Variants in GDPD1 observed in about 807,000 individuals in gnomAD.
The protein encoded by GDPD1 is lysophospholipase D GDPD1.
In GDPD1, 28 loss-of-function variants were observed where a neutral mutation model predicts 45.1. That is an observed-to-expected ratio of 0.62 (90% CI 0.46 to 0.85). The LOEUF (loss-of-function observed/expected upper bound fraction) is 0.85. GDPD1 is among the 40% of genes least tolerant of loss of function. GDPD1 has a pLI of 0.00. For synonymous variants in GDPD1, 139 were observed against 131.4 expected (o/e 1.06, Z -0.40); for missense variants, 256 against 364.8 (o/e 0.70, Z 2.43).
chr17:59,256,813 T>G (rs1474205835), intron 4 of GDPD1, among the ~76,000 whole-genome samples: 2 of 152,174 alleles, frequency 1.3e-5, no homozygotes, highest in African/African-American at 4.8e-5. Flanking sequence ...AAAAAATTAA[T>G]AAATCATAAT....
At chr17:59,224,607 A>T (rs1159283067) in intron 1 of GDPD1, among the ~76,000 whole-genome samples, 1 of 146,640 alleles carries the variant, frequency 6.8e-6, no homozygotes, top group Non-Finnish European at 1.5e-5. Context: ...CCTGGGCGAC[A>T]GGGCGAGACT....
At chr17:59,267,212 A>G (rs776385111) in intron 7 of GDPD1, 38 bp downstream of exon 7, 22 of 1,553,574 alleles carry the variant, frequency 1.4e-5, no homozygotes, top group African/African-American at 2.7e-5. Flanking sequence ...TCAATTATCA[A>G]TTACAGAAAG....
intron 4 of GDPD1, among the ~76,000 whole-genome samples, chr17:59,252,910 C>T (rs996582153): frequency 6.6e-6 from 1 of 151,852 alleles, no homozygotes; most frequent in African/African-American, 2.4e-5. Context: ...AGGAGAATCG[C>T]TGAAACCCAG....
chr17:59,273,096 TAA>T lies in GDPD1; in HGVS notation c.822+262_822+263del. ...GTGTTTGTGTGTGTGTATATATATA[TAA>T]ATATATGTATGTATATTTCTTTTTT... On this transcript the variant is annotated intron_variant, in intron 9 of 9. Transcript: ENST00000284116. 4 of 292,186 alleles carry T rather than the reference TAA, an allele frequency of 1.4e-5. No homozygotes were observed. In the East Asian group the frequency reaches 2.1e-4, roughly 15 times the overall value. 18.1% of individuals were successfully genotyped at this position (292,186 alleles called of 1,614,324 possible). A position where few individuals can be genotyped will look rare whatever the true frequency, so the allele number is the denominator to read the frequency against.
intron 1 of GDPD1, among the ~76,000 whole-genome samples, chr17:59,221,156 C>A (rs1190197159): frequency 6.6e-6 from 1 of 151,916 alleles, no homozygotes; most frequent in Non-Finnish European, 1.5e-5. Context: ...CACACTGCTC[C>A]GAGCGAGCTA....
intron 3 of GDPD1, among the ~76,000 whole-genome samples, chr17:59,247,361 A>G (rs1320510078): frequency 1.3e-5 from 2 of 152,120 alleles, no homozygotes; most frequent in Non-Finnish European, 2.9e-5. Flanking sequence ...TGCTCTAAAC[A>G]TTCTGTGTTC....
chr17:59,246,709 CAAAAAAAAAAAAA>C (rs749077536), intron 3 of GDPD1, among the ~76,000 whole-genome samples: 7 of 27,568 alleles, frequency 2.5e-4, no homozygotes, highest in Non-Finnish European at 2.4e-4. Flanking sequence ...GACTCCATCT[CAAAAAAAAAAAAA>C]AAAAAAAAAA....
At chr17:59,269,484 C>G (rs1043066460) in intron 7 of GDPD1, among the ~76,000 whole-genome samples, 22 of 147,466 alleles carry the variant, frequency 1.5e-4, no homozygotes, top group Non-Finnish European at 3.1e-4. Flanking sequence ...TACCCCCCCC[C>G]CCAAAAAACA....
chr17:59,245,277 C>A (rs2047201758), intron 2 of GDPD1, 137 bp from the exon 3 acceptor site: 2 of 570,116 alleles, frequency 3.5e-6, no homozygotes, highest in Non-Finnish European at 6.1e-6. Flanking sequence ...ATTAATAAGT[C>A]ATACTAAGTG....
chr17:59,257,668 A>G, intron 5 of GDPD1, 83 bp from the exon 6 acceptor site: 1 of 836,196 alleles, frequency 1.2e-6, no homozygotes, highest in East Asian at 2.6e-5. Context: ...CAGATAGTCA[A>G]TTCTAATTCA....
Position 59,257,854 on chromosome 17 carries a change from A to T in GDPD1, c.576+14A>T. On this transcript the variant is annotated intron_variant, in intron 6 of 9. Coordinates refer to ENST00000284116, the MANE Select transcript of GDPD1 (RefSeq NM_182569.4). Reference sequence around the variant, plus strand: ...TGCTACAAAGAGGTAAGCTTCAAAAATGATACAGAATTATCTATCTTTGTT... The same window carrying T: ...TGCTACAAAGAGGTAAGCTTCAAAATTGATACAGAATTATCTATCTTTGTT... 7.0e-7 allele frequency: 1 copy of T among 1,437,222 alleles called. No individual in the cohort carries two copies. The highest frequency in any genetic ancestry group is 9.7e-7 in the Non-Finnish European group (1 of 1,028,318). The allele number at this position is 1,437,222 out of a possible 1,614,324, so 89.0% of individuals were successfully genotyped here.
intron 2 of GDPD1, among the ~76,000 whole-genome samples, chr17:59,237,653 TGAG>T (rs1414560277): frequency 6.6e-6 from 1 of 152,010 alleles, no homozygotes; most frequent in Non-Finnish European, 1.5e-5. Flanking sequence ...GAGGTGAAGA[TGAG>T]GAGATATTAA....
intron 7 of GDPD1, among the ~76,000 whole-genome samples, chr17:59,268,183 C>G (rs769756979): frequency 6.6e-6 from 1 of 152,078 alleles, no homozygotes; most frequent in African/African-American, 2.4e-5. Context: ...ATTCTACACA[C>G]GTAGAATGTG....
intron 2 of GDPD1, among the ~76,000 whole-genome samples, chr17:59,239,859 T>C (rs985474827): frequency 2.0e-5 from 3 of 150,916 alleles, no homozygotes; most frequent in South Asian, 2.1e-4. Context: ...TCAGCCTCCC[T>C]AGTAGCTGGG....
chr17:59,264,327 A>G (rs1405275810), intron 6 of GDPD1, among the ~76,000 whole-genome samples: 6 of 142,694 alleles, frequency 4.2e-5, no homozygotes, highest in Non-Finnish European at 9.1e-5. Context: ...ACAGAGTCTC[A>G]CTCTTGCCCA....
intron 1 of GDPD1, among the ~76,000 whole-genome samples, chr17:59,233,404 C>T (rs1462542848): frequency 2.7e-5 from 4 of 145,866 alleles, no homozygotes; most frequent in African/African-American, 1.0e-4. Context: ...CCCAGCTACT[C>T]GGGAGGCTGA....
At chr17:59,231,249 G>A (rs1009314710) in intron 1 of GDPD1, among the ~76,000 whole-genome samples, 1 of 151,794 alleles carries the variant, frequency 6.6e-6, no homozygotes, top group East Asian at 1.9e-4. Flanking sequence ...TCCCCTAAAC[G>A]TGACTTTAGT....
At chr17:59,266,597 A>G (rs2047400787) in intron 6 of GDPD1, among the ~76,000 whole-genome samples, 1 of 152,136 alleles carries the variant, frequency 6.6e-6, no homozygotes, top group African/African-American at 2.4e-5. Flanking sequence ...TAGCTAAAAG[A>G]TGACACATTT....
intron 3 of GDPD1, among the ~76,000 whole-genome samples, chr17:59,247,976 A>G (rs1226632402): frequency 6.6e-6 from 1 of 152,086 alleles, no homozygotes; most frequent in African/African-American, 2.4e-5. Context: ...CTCTATCTTT[A>G]GCTTTTTATA....
Sources: allele counts gnomAD v4.1 joint callset (sites outside exome capture counted in the v4.1 genomes callset), GRCh38; gene constraint gnomAD v4.1.1; transcripts MANE v1.5; gene names NCBI Gene and HGNC (gene_info 2026-07-23, HGNC 2026-07-21).